OXSR1: variants seen among roughly 807,000 people sequenced by gnomAD.
OXSR1 encodes serine/threonine-protein kinase OSR1.
In OXSR1, 24 loss-of-function variants were observed where a neutral mutation model predicts 79.8. The ratio of observed to expected loss-of-function variants is 0.30; its 90% CI spans 0.22 to 0.42. OXSR1 has a LOEUF of 0.42. Among genes scored for constraint, OXSR1 ranks in the 10% least tolerant of loss-of-function variants. OXSR1 has a pLI of 1.00. For synonymous variants in OXSR1, 226 were observed against 209.2 expected, an observed-to-expected ratio of 1.08 and a Z score of -0.69; for missense variants, 430 against 618.4, an observed-to-expected ratio of 0.70 and a Z score of 3.23.
chr3:38,219,008 A>G (rs1399099437), intron 5 of OXSR1, among the ~76,000 whole-genome samples: 2 of 152,142 alleles, frequency 1.3e-5, no homozygotes, highest in African/African-American at 4.8e-5. Context: ...TTTTTTTCAC[A>G]TCTAAGTTAC....
chr3:38,243,694 A>G (rs1376548593), intron 12 of OXSR1, among the ~76,000 whole-genome samples: 2 of 152,254 alleles, frequency 1.3e-5, no homozygotes, highest in Non-Finnish European at 2.9e-5. Context: ...TTGTATATAA[A>G]GTACATTTGT....
chr3:38,194,327 A>T (rs1299949447), intron 3 of OXSR1, among the ~76,000 whole-genome samples: 1 of 152,106 alleles, frequency 6.6e-6, no homozygotes, highest in Non-Finnish European at 1.5e-5. Context: ...AGGCGGAAGG[A>T]TTGCTTTAGG....
At chr3:38,224,362 G>A (rs1249768979) in intron 7 of OXSR1, among the ~76,000 whole-genome samples, 1 of 152,210 alleles carries the variant, frequency 6.6e-6, no homozygotes, top group Non-Finnish European at 1.5e-5. Context: ...TTGCGTGTGT[G>A]TGTTGAGAAG....
chr3:38,211,469 G>A (rs941813188), intron 4 of OXSR1, among the ~76,000 whole-genome samples: 1 of 151,938 alleles, frequency 6.6e-6, no homozygotes, highest in Non-Finnish European at 1.5e-5. Flanking sequence ...TCCTAGAAAT[G>A]TTTTTGTTTT....
Position 38,236,873 on chromosome 3 carries a change from A to G in OXSR1, c.986A>G (p.His329Arg), listed in dbSNP as rs1702929242. Residue 329 changes from histidine (H) to arginine (R), a missense_variant, in exon 11 of 18, where the codon CAT (histidine) becomes CGT (arginine). This residue lies in a region of OXSR1 where 276 missense variants were observed against 354.2 expected (regional missense o/e 0.78). Transcript: ENST00000311806. ...GTACCAGGTTCCAGTGGGCGTCTTC[A>G]TAAGACAGAGGATGGAGGCTGGGAG... is the stretch of plus-strand genomic sequence containing the variant. ...RRVPGSSGRLHKTEDGGWEWS... is the reference protein window; with the variant it reads ...RRVPGSSGRLRKTEDGGWEWS... The G allele has an allele frequency of 6.2e-7, 1 of 1,612,914 alleles. No individual in the cohort carries two copies. The highest frequency in any genetic ancestry group is 1.1e-5 in the South Asian group (1 of 90,994).
At chr3:38,165,448 C>T (rs34876707), upstream of OXSR1, 33 of 188,292 alleles carry the variant, frequency 1.8e-4, 1 homozygote, top group East Asian at 4.9e-3. Context: ...CTGGAGATGG[C>T]GGCCGGAGGC....
intron 4 of OXSR1, among the ~76,000 whole-genome samples, chr3:38,207,455 G>A (rs1381204606): frequency 6.6e-6 from 1 of 152,166 alleles, no homozygotes; most frequent in African/African-American, 2.4e-5. Context: ...AAGGAAGGAA[G>A]GAAAGGGGAA....
At chr3:38,177,016 G>A (rs1559500329) in intron 1 of OXSR1, among the ~76,000 whole-genome samples, 2 of 152,164 alleles carry the variant, frequency 1.3e-5, no homozygotes, top group African/African-American at 4.8e-5. Flanking sequence ...GCTGCTTTGA[G>A]AACTAATACT....
intron 11 of OXSR1, among the ~76,000 whole-genome samples, chr3:38,240,535 A>G (rs1338348611): frequency 1.3e-5 from 2 of 152,004 alleles, no homozygotes; most frequent in Non-Finnish European, 2.9e-5. Context: ...AAGCAAAGAA[A>G]CCCCAATAAT....
intron 1 of OXSR1, among the ~76,000 whole-genome samples, chr3:38,178,140 A>T (rs958942173): frequency 6.6e-6 from 1 of 150,946 alleles, no homozygotes; most frequent in Non-Finnish European, 1.5e-5. Context: ...TAATAGAGAC[A>T]GGGATTCGCC....
At chr3:38,185,597 A>G (rs769495049) in intron 2 of OXSR1, among the ~76,000 whole-genome samples, 1 of 151,946 alleles carries the variant, frequency 6.6e-6, no homozygotes, top group Non-Finnish European at 1.5e-5. Flanking sequence ...AAAAACAAAC[A>G]AGAAACGGCA....
intron 6 of OXSR1, among the ~76,000 whole-genome samples, chr3:38,223,170 C>G (rs1048400174): frequency 2.6e-5 from 4 of 152,150 alleles, no homozygotes; most frequent in African/African-American, 7.2e-5. Flanking sequence ...GAGTCTTGCT[C>G]TGTCTCCCAG....
intron 2 of OXSR1, among the ~76,000 whole-genome samples, chr3:38,183,804 A>G (rs1701830626): frequency 6.6e-6 from 1 of 152,018 alleles, no homozygotes; most frequent in Admixed American, 6.6e-5. Flanking sequence ...ATTGTATTGT[A>G]TTTTTTTTAG....
chr3:38,218,877 A>T (rs1302634786), intron 5 of OXSR1, among the ~76,000 whole-genome samples: 1 of 152,170 alleles, frequency 6.6e-6, no homozygotes, highest in Admixed American at 6.5e-5. Flanking sequence ...TCTATATTAG[A>T]AGTTGCACAA....
intron 4 of OXSR1, among the ~76,000 whole-genome samples, chr3:38,214,450 A>T: frequency 6.6e-6 from 1 of 152,202 alleles, no homozygotes; most frequent in Non-Finnish European, 1.5e-5. Context: ...ACATTATAGT[A>T]CAGCCTTCTG....
intron 12 of OXSR1, among the ~76,000 whole-genome samples, chr3:38,245,071 A>G (rs1459789479): frequency 6.6e-6 from 1 of 152,140 alleles, no homozygotes; most frequent in Non-Finnish European, 1.5e-5. Context: ...TTAAAGGCCT[A>G]CTTTTTTGTA....
In OXSR1 at chr3:38,182,935, G is replaced by A. The variant is rs1701814314; in HGVS notation, c.71-68G>A. On this transcript the variant is annotated intron_variant, in intron 1 of 17. Coordinates refer to ENST00000311806, the MANE Select transcript of OXSR1 (RefSeq NM_005109.3). ...AGGATTACTCTTGTTTAAATTGTAT[G>A]GGAATTAGAAATGTCATGTTTTTAT... 9 of 836,334 alleles carry A rather than the reference G, an allele frequency of 1.1e-5. 1 individual carries two copies. Among genetic ancestry groups the A allele is most frequent in the Non-Finnish European group, 1.8e-5 (9 of 507,140 alleles). 51.8% of individuals were successfully genotyped at this position (836,334 alleles called of 1,614,324 possible). A position where few individuals can be genotyped will look rare whatever the true frequency, so the allele number is the denominator to read the frequency against.
rs376827972 is a variant in OXSR1, at chr3:38,215,082, A to G, written c.435-1014A>G. 7.2e-5 allele frequency among the ~76,000 whole-genome samples: 11 copies of G among 152,298 alleles called. No homozygotes were observed. The South Asian group carries it at 2.1e-3, about 29-fold the overall frequency. On this transcript the variant is annotated intron_variant, in intron 4 of 17. Coordinates refer to ENST00000311806, the MANE Select transcript of OXSR1 (RefSeq NM_005109.3). ...TTCAGACACTGTTCCCTAGACTTCAATTCCATTAATCTCCACAAAAATTGC... is the reference window on the plus strand; with the variant it reads ...TTCAGACACTGTTCCCTAGACTTCAGTTCCATTAATCTCCACAAAAATTGC...
At chr3:38,171,966 C>T (rs890887201) in intron 1 of OXSR1, among the ~76,000 whole-genome samples, 3 of 152,118 alleles carry the variant, frequency 2.0e-5, no homozygotes, top group Non-Finnish European at 4.4e-5. Flanking sequence ...GATTAGTTTC[C>T]GTGTCAGCTT....
Sources: allele counts gnomAD v4.1 joint callset (sites outside exome capture counted in the v4.1 genomes callset), GRCh38; gene constraint gnomAD v4.1.1; regional missense constraint gnomAD v4.1.1; transcripts MANE v1.5; gene names NCBI Gene and HGNC (gene_info 2026-07-23, HGNC 2026-07-21).